The following ITGAE variants were observed in gnomAD, a reference collection of about 807,000 sequenced individuals.
The protein encoded by ITGAE is integrin alpha-E.
ITGAE carries 99 observed loss-of-function variants against 136.5 expected under a neutral mutation model. The ratio of observed to expected loss-of-function variants is 0.73; its 90% confidence interval spans 0.62 to 0.86. The LOEUF is 0.86. ITGAE is among the 40% of genes least tolerant of loss of function. The pLI is 0.00. For missense variants in ITGAE, 1,447 were observed against 1,515.3 expected, an observed-to-expected ratio of 0.95 and a Z score of 0.75; for synonymous variants, 613 against 591.8, an observed-to-expected ratio of 1.04 and a Z score of -0.52.
intron 16 of ITGAE, among the ~76,000 whole-genome samples, chr17:3,749,369 C>T (rs2051804051): frequency 6.6e-6 from 1 of 152,054 alleles, no homozygotes; most frequent in African/African-American, 2.4e-5. Flanking sequence ...TCTCCTGCCT[C>T]AGCCTCCCGA....
chr17:3,761,233 G>C, intron 5 of ITGAE, 56 bp from the exon 6 acceptor site: 1 of 1,585,698 alleles, frequency 6.3e-7, no homozygotes, highest in Non-Finnish European at 8.6e-7. Context: ...CCTCGCCTGA[G>C]CACGCTCACA....
chr17:3,755,848 A>T lies in ITGAE; in HGVS notation c.1221T>A (p.Ser407Arg), dbSNP rs1451678303. The stretch of plus-strand genomic sequence containing the variant: ...CACGTACCTCATCCAGGATCTGAGC[A>T]CTGAAGCCAATCTGTGCCAGCTGGT... The part of the protein sequence containing the change: ...LHYQLAQIGF[S>R]AQILDERQVL... Residue 407 changes from serine to arginine, a missense_variant, in exon 11 of 31, where the codon AGT (serine) becomes AGA (arginine). By Grantham distance (110) the Ser-to-Arg change is moderately radical. Coordinates refer to ENST00000263087, the MANE Select transcript of ITGAE (RefSeq NM_002208.5). 6.3e-7 allele frequency: 1 copy of T among 1,597,652 alleles called. No individual in the cohort carries two copies.
chr17:3,777,652 G>T lies in ITGAE; in HGVS notation c.43C>A (p.Leu15Met). Residue 15 changes from leucine (L) to methionine (M), a missense_variant, in exon 2 of 31, where the codon CTG becomes ATG. Leu to Met is a conservative substitution (Grantham distance 15, BLOSUM62 2). Around this residue, in one of 3 missense-constraint regions of ITGAE, gnomAD observed 106 missense variants for 87.8 expected, o/e 1.21. Transcript: ENST00000263087. The stretch of plus-strand genomic sequence containing the variant: ...ACATCCACATTGAAAGCGGCCAGCA[G>T]GGCCAGGCCTGTAGGGAAAAGAGGA... ...HTLLCIASLA[L>M]LAAFNVDVAR... is the part of the protein sequence containing the mutation. 1 of 1,611,666 alleles carries T rather than the reference G, an allele frequency of 6.2e-7. No homozygotes were observed.
chr17:3,762,026 G>T, intron 3 of ITGAE, 44 bp from the exon 4 acceptor site: 1 of 1,558,846 alleles, frequency 6.4e-7, no homozygotes, highest in East Asian at 2.2e-5. Flanking sequence ...GGGACTCTGG[G>T]AGGCAGAGAC....
At chr17:3,779,062 A>C (rs1361390283) in intron 1 of ITGAE, among the ~76,000 whole-genome samples, 1 of 152,134 alleles carries the variant, frequency 6.6e-6, no homozygotes, top group East Asian at 1.9e-4. Flanking sequence ...AGTAAAAAAA[A>C]AAAAATGCTT....
At position 3,734,775 on chromosome 17, in the gene ITGAE, G is replaced by GGGGCGTGAGGGAC. The variant is rs764668259; in HGVS notation, c.2655+29_2655+41dup. Reference sequence around the variant, plus strand: ...AGAAAAGCAGGCATGCAGCGAGGGAGGGGCGTGAGGGACCTGTTTCCACAG... The same window carrying GGGGCGTGAGGGAC: ...AGAAAAGCAGGCATGCAGCGAGGGAGGGGCGTGAGGGACGGGCGTGAGGGACCTGTTTCCACAG... On this transcript the variant is annotated intron_variant, in intron 21 of 30. Coordinates refer to ENST00000263087, the MANE Select transcript of ITGAE (RefSeq NM_002208.5). The GGGGCGTGAGGGAC allele has an allele frequency of 5.0e-6, 8 of 1,611,060 alleles. No individual in the cohort carries two copies. In the East Asian group the frequency reaches 1.6e-4, roughly 31 times the overall value.
chr17:3,758,146 A>G (rs2052074557), intron 8 of ITGAE, among the ~76,000 whole-genome samples: 1 of 152,202 alleles, frequency 6.6e-6, no homozygotes, highest in Non-Finnish European at 1.5e-5. Context: ...AAAACGATAG[A>G]TAATACTCAC....
intron 1 of ITGAE, among the ~76,000 whole-genome samples, chr17:3,797,160 T>A (rs1226477948): frequency 0.12 from 1,248 of 10,130 alleles, 18 homozygotes; most frequent in East Asian, 0.19. Flanking sequence ...TATATATATT[T>A]TTTTTTTTTT....
rs1437457999 is a variant in ITGAE at position 3,799,304 on chromosome 17, G to A, written c.34+1807C>T. Reference sequence around the variant, plus strand: ...CCCACACCGGAGCTGCGGGGGCCCTGCTCTGGTCCCCTTCCCGTGGCTGAG... The same window carrying A: ...CCCACACCGGAGCTGCGGGGGCCCTACTCTGGTCCCCTTCCCGTGGCTGAG... On this transcript the variant is annotated intron_variant, in intron 1 of 30. Coordinates refer to ENST00000263087, the MANE Select transcript of ITGAE (RefSeq NM_002208.5). This position sits in a 1 kb window ranked among gnomAD's most constrained non-coding sequence, Gnocchi z 4.1. 6.6e-6 allele frequency among the ~76,000 whole-genome samples: 1 copy of A among 152,168 alleles called. No homozygotes were observed. Among genetic ancestry groups the A allele is most frequent in the Non-Finnish European group, 1.5e-5 (1 of 68,028 alleles).
chr17:3,731,650 T>G (rs2143010742), intron 22 of ITGAE, among the ~76,000 whole-genome samples: 1 of 151,826 alleles, frequency 6.6e-6, no homozygotes, highest in South Asian at 2.1e-4. Flanking sequence ...CCCCGTTATT[T>G]CAGTTAAGCC....
rs201548804 is a variant in ITGAE, at chr17:3,734,905, A to G, written c.2567T>C (p.Ile856Thr). ...VGLTKELTLNINLTNSGEDSY... is the reference protein window; with the variant it reads ...VGLTKELTLNTNLTNSGEDSY... ...ATCTTCCCCGGAGTTAGTTAGGTTA[A>G]TGTTCAGGGTCAGCTCCTTTGTGAG... The change falls in exon 21 of 31, where the codon ATT (isoleucine) becomes ACT (threonine). Residue 856 changes from isoleucine (I) to threonine (T), a missense_variant. Physicochemically the swap from Ile to Thr is moderately conservative, Grantham distance 89. Transcript: ENST00000263087. 111 of 1,614,060 alleles carry G rather than the reference A, an allele frequency of 6.9e-5. No individual in the cohort carries two copies. Among genetic ancestry groups the G allele is most frequent in the Non-Finnish European group, 9.1e-5 (107 of 1,180,040 alleles).
intron 1 of ITGAE, among the ~76,000 whole-genome samples, 154 bp downstream of exon 1, chr17:3,800,957 G>C (rs186144310): frequency 6.6e-6 from 1 of 152,204 alleles, no homozygotes; most frequent in Non-Finnish European, 1.5e-5. Flanking sequence ...CTGACCCACC[G>C]AGCAAGACTC....
intron 20 of ITGAE, among the ~76,000 whole-genome samples, chr17:3,739,154 C>A (rs1465807264): frequency 6.6e-6 from 1 of 152,134 alleles, no homozygotes; most frequent in Non-Finnish European, 1.5e-5. Flanking sequence ...CCACATAGCT[C>A]GTTCCCCTAC....
Position 3,753,287 on chromosome 17 carries a change from C to CT in ITGAE, c.1668+2_1668+3insA, listed in dbSNP as rs774061421. 6.2e-7 allele frequency: 1 copy of CT among 1,613,324 alleles called. No homozygotes were observed. The highest frequency in any genetic ancestry group is 8.5e-7 in the Non-Finnish European group (1 of 1,179,418). On this transcript the variant is annotated splice_region_variant and intron_variant, in intron 14 of 30. Coordinates refer to ENST00000263087, the MANE Select transcript of ITGAE (RefSeq NM_002208.5). ...AAGCTCATGAAGATGGAGACTCTCCCACCTGCTCGCTGAGACGGTACACGT... is the reference window on the plus strand; with the variant it reads ...AAGCTCATGAAGATGGAGACTCTCCCTACCTGCTCGCTGAGACGGTACACGT...
At chr17:3,736,031 C>T (rs1041368042) in intron 20 of ITGAE, among the ~76,000 whole-genome samples, 1 of 152,114 alleles carries the variant, frequency 6.6e-6, no homozygotes, top group African/African-American at 2.4e-5. Context: ...GTAATCCCAG[C>T]TACTCGGGAG....
At chr17:3,797,649 C>T (rs774152743) in intron 1 of ITGAE, among the ~76,000 whole-genome samples, 9 of 151,612 alleles carry the variant, frequency 5.9e-5, no homozygotes, top group African/African-American at 1.2e-4. Context: ...TTAGTAGAGA[C>T]GGGGTTTCAC....
intron 1 of ITGAE, among the ~76,000 whole-genome samples, chr17:3,796,606 C>G (rs926762402): frequency 6.6e-6 from 1 of 152,112 alleles, no homozygotes. Context: ...CCAATCCCCC[C>G]TCCCGTGTTG....
chr17:3,728,541 T>C (rs978543937), intron 24 of ITGAE: 15 of 181,740 alleles, frequency 8.3e-5, no homozygotes, highest in Non-Finnish European at 1.6e-4. Context: ...CCTGGCTAAT[T>C]TTCATATTTT....
Position 3,724,322 on chromosome 17 carries a change from C to T in ITGAE, c.3085-578G>A, listed in dbSNP as rs527990912. On this transcript the variant is annotated intron_variant, in intron 26 of 30. Coordinates refer to ENST00000263087, the MANE Select transcript of ITGAE (RefSeq NM_002208.5). ...GGCCCCCGCAGAAGTGCAGCACACC[C>T]TGCGGCCCGCTCCGACTTCCGCCCT... 2.0e-5 allele frequency: 32 copies of T among 1,587,158 alleles called. No homozygotes were observed. In the South Asian group the frequency reaches 3.4e-4, roughly 17 times the overall value.
Sources: gnomAD v4.1 joint callset for allele counts (sites outside exome capture counted in the v4.1 genomes callset) on GRCh38, gnomAD v4.1.1 for gene constraint, gnomAD v4.1.1 regional missense constraint, Gnocchi (gnomAD v3.1) non-coding constraint, MANE v1.5 for transcripts, NCBI Gene and HGNC (gene_info 2026-07-23, HGNC 2026-07-21) for gene names.